LSM14A: variants seen among roughly 807,000 people sequenced by gnomAD.
LSM14A encodes LSM14A mRNA processing body assembly factor, also known as protein LSM14 homolog A.
A neutral mutation model predicts 52.4 loss-of-function variants in LSM14A; 14 were observed. That is an observed-to-expected ratio of 0.27 (90% CI 0.18 to 0.42). LSM14A has a LOEUF of 0.42. Ranked by LOEUF, LSM14A falls within the 10% of genes least tolerant of loss-of-function variation. The pLI is 1.00. For synonymous variants in LSM14A, 185 were observed against 200.3 expected (o/e 0.92, Z 0.64); for missense variants, 417 against 581.8 (o/e 0.72, Z 2.91).
intron 9 of LSM14A, among the ~76,000 whole-genome samples, chr19:34,222,604 G>T (rs1271742121): frequency 6.6e-6 from 1 of 152,236 alleles, no homozygotes; most frequent in Non-Finnish European, 1.5e-5. Context: ...GTTAGCAGGA[G>T]TTCCATTGCC....
intron 3 of LSM14A, among the ~76,000 whole-genome samples, chr19:34,206,518 A>C (rs1568489616): frequency 6.6e-6 from 1 of 151,434 alleles, no homozygotes; most frequent in Non-Finnish European, 1.5e-5. Flanking sequence ...AATACAAAAA[A>C]AAAAAAATTA....
intron 3 of LSM14A, among the ~76,000 whole-genome samples, chr19:34,207,587 A>T (rs937457601): frequency 6.7e-6 from 1 of 150,146 alleles, no homozygotes; most frequent in Non-Finnish European, 1.5e-5. Flanking sequence ...GCTGGAGCAC[A>T]GTGGCCCAAT....
intron 1 of LSM14A, among the ~76,000 whole-genome samples, chr19:34,186,153 T>C (rs1297469992): frequency 6.6e-6 from 1 of 152,188 alleles, no homozygotes; most frequent in South Asian, 2.1e-4. Context: ...ATGATCTAGA[T>C]ACAGATCTTT....
At chr19:34,215,054 T>TG (rs1413216786) in intron 4 of LSM14A, 70 bp from the exon 5 acceptor site, 21 of 1,262,236 alleles carry the variant, frequency 1.7e-5, no homozygotes, top group Middle Eastern at 2.8e-4. Flanking sequence ...CTCTGGACAA[T>TG]TTTTTTTAGG....
At chr19:34,177,915 C>T (rs2069192888) in intron 1 of LSM14A, among the ~76,000 whole-genome samples, 1 of 152,074 alleles carries the variant, frequency 6.6e-6, no homozygotes, top group Admixed American at 6.6e-5. Flanking sequence ...AATCCCAGCA[C>T]TTCAGGAAGC....
chr19:34,217,582 T>TTA (rs139780850), intron 6 of LSM14A, among the ~76,000 whole-genome samples: 2,348 of 140,698 alleles, frequency 0.017, 72 homozygotes, highest in Non-Finnish European at 0.029. Context: ...TTCTCTACAT[T>TTA]TATATATATA....
At chr19:34,176,516 T>C (rs1392448188) in intron 1 of LSM14A, among the ~76,000 whole-genome samples, 1 of 152,236 alleles carries the variant, frequency 6.6e-6, no homozygotes, top group Non-Finnish European at 1.5e-5. Context: ...CATTTATAGT[T>C]TTACCATATA....
chr19:34,178,985 T>G (rs1294278684), intron 1 of LSM14A, among the ~76,000 whole-genome samples: 1 of 152,206 alleles, frequency 6.6e-6, no homozygotes, highest in East Asian at 1.9e-4. Context: ...ATAGTTCCAG[T>G]TGTGTTTGCA....
chr19:34,173,212 C>T (rs1402240646), intron 1 of LSM14A, among the ~76,000 whole-genome samples: 2 of 152,220 alleles, frequency 1.3e-5, no homozygotes, highest in African/African-American at 2.4e-5. Flanking sequence ...GGCGATCTTC[C>T]TCTGGTGAAC....
intron 1 of LSM14A, among the ~76,000 whole-genome samples, chr19:34,176,671 A>C (rs1471122832): frequency 6.6e-6 from 1 of 152,138 alleles, no homozygotes; most frequent in South Asian, 2.1e-4. Context: ...TCCTTCTGCC[A>C]TTGTTTTGGA....
chr19:34,184,163 C>G (rs1432240992), intron 1 of LSM14A, among the ~76,000 whole-genome samples: 4 of 148,796 alleles, frequency 2.7e-5, no homozygotes, highest in Non-Finnish European at 4.4e-5. Flanking sequence ...TCAAGTGATT[C>G]TCCTACCTCA....
At chr19:34,185,013 A>G (rs1020924634) in intron 1 of LSM14A, among the ~76,000 whole-genome samples, 1 of 152,078 alleles carries the variant, frequency 6.6e-6, no homozygotes, top group Admixed American at 6.6e-5. Flanking sequence ...TTTGTAATAA[A>G]CCTTCTAAGG....
intron 1 of LSM14A, among the ~76,000 whole-genome samples, chr19:34,190,839 T>C (rs551387804): frequency 2.6e-5 from 4 of 152,268 alleles, no homozygotes; most frequent in African/African-American, 9.6e-5. Flanking sequence ...TATTTTGATA[T>C]ACCAAAGCAT....
Position 34,172,678 on chromosome 19 carries a change from C to T in LSM14A, c.36C>T (p.Ile12=). The change falls in exon 1 of 10, where the codon ATC becomes ATT. Residue 12 remains isoleucine (I), a synonymous_variant. Coordinates refer to ENST00000544216, the MANE Select transcript of LSM14A (RefSeq NM_015578.4). ...GCACCCCTTACATCGGCAGCAAGAT[C>T]AGCCTCATCTCCAAGGCGGAGATCC... is the stretch of plus-strand genomic sequence containing the variant. The part of the protein sequence containing the change: ...SGGTPYIGSK[I]SLISKAEIRY... 1 of 1,580,946 alleles carries T rather than the reference C, an allele frequency of 6.3e-7. No individual in the cohort carries two copies. The highest frequency in any genetic ancestry group is 8.6e-7 in the Non-Finnish European group (1 of 1,165,238).
intron 1 of LSM14A, among the ~76,000 whole-genome samples, chr19:34,186,669 C>T (rs2069931745): frequency 6.6e-6 from 1 of 152,178 alleles, no homozygotes; most frequent in South Asian, 2.1e-4. Flanking sequence ...AAAACCTGAT[C>T]TGTGAACTGA....
intron 1 of LSM14A, among the ~76,000 whole-genome samples, chr19:34,180,698 AACT>A: frequency 6.6e-6 from 1 of 151,990 alleles, no homozygotes; most frequent in East Asian, 1.9e-4. Context: ...ATCCTGCTTC[AACT>A]CCATGAGCAA....
intron 1 of LSM14A, among the ~76,000 whole-genome samples, chr19:34,181,209 TCA>T (rs920772487): frequency 3.5e-4 from 53 of 152,328 alleles, no homozygotes; most frequent in Middle Eastern, 6.8e-3. Context: ...TCTACTCTCC[TCA>T]GTTTTTCCTT....
At chr19:34,175,291 C>T (rs565440125) in intron 1 of LSM14A, among the ~76,000 whole-genome samples, 7 of 151,616 alleles carry the variant, frequency 4.6e-5, no homozygotes, top group Non-Finnish European at 1.0e-4. Context: ...AGTGCAGTGG[C>T]ACAATCCTGG....
At chr19:34,193,021 C>G (rs1365283216) in intron 1 of LSM14A, among the ~76,000 whole-genome samples, 4 of 152,108 alleles carry the variant, frequency 2.6e-5, no homozygotes, top group South Asian at 4.2e-4. Flanking sequence ...GGTTTACTTC[C>G]TTTAGGGTAC....
Sources: gnomAD v4.1 joint callset for allele counts (sites outside exome capture counted in the v4.1 genomes callset) on GRCh38, gnomAD v4.1.1 for gene constraint, MANE v1.5 for transcripts, NCBI Gene and HGNC (gene_info 2026-07-23, HGNC 2026-07-21) for gene names.